The following PPM1B variants were observed in gnomAD, a reference collection of about 807,000 sequenced individuals.
The protein encoded by PPM1B is protein phosphatase 1B.
Under a neutral mutation model 43.0 loss-of-function variants are expected in PPM1B, and 22 were observed. That is an observed-to-expected ratio of 0.51 (90% confidence interval 0.37 to 0.73). The LOEUF is 0.73. Among genes scored for constraint, PPM1B ranks in the 30% least tolerant of loss-of-function variants. The probability of loss-of-function intolerance (pLI) is 0.00; values close to 1 mark genes in which losing one functional copy is unlikely to be tolerated. For synonymous variants in PPM1B, 217 were observed against 197.9 expected (o/e 1.10, Z -0.81); for missense variants, 632 against 584.2 (o/e 1.08, Z -0.84).
At chr2:44,186,228 C>G (rs1000427141) in intron 1 of PPM1B, among the ~76,000 whole-genome samples, 43 of 152,170 alleles carry the variant, frequency 2.8e-4, no homozygotes, top group Non-Finnish European at 2.5e-4. Context: ...AGCCATTAAT[C>G]TACACATTGT....
chr2:44,189,878 A>G (rs2104065498), intron 1 of PPM1B, among the ~76,000 whole-genome samples: 1 of 151,986 alleles, frequency 6.6e-6, no homozygotes, highest in Non-Finnish European at 1.5e-5. Context: ...TTAATTTTTC[A>G]TTGCTTCGTG....
At chr2:44,216,296 G>A (rs1455262868) in intron 3 of PPM1B, among the ~76,000 whole-genome samples, 1 of 152,140 alleles carries the variant, frequency 6.6e-6, no homozygotes, top group Non-Finnish European at 1.5e-5. Flanking sequence ...GGTGCCACTG[G>A]CATCTAGTGA....
intron 3 of PPM1B, 164 bp downstream of exon 3, chr2:44,209,491 A>C: frequency 1.2e-6 from 1 of 863,038 alleles, no homozygotes; most frequent in Non-Finnish European, 1.7e-6. Flanking sequence ...GATTATTTTA[A>C]AATTTCCTGG....
intron 1 of PPM1B, among the ~76,000 whole-genome samples, chr2:44,178,182 A>G (rs1179962216): frequency 1.3e-5 from 2 of 151,824 alleles, no homozygotes; most frequent in African/African-American, 4.8e-5. Context: ...GGCCTCCTAA[A>G]GTGTTGTGAT....
intron 1 of PPM1B, among the ~76,000 whole-genome samples, chr2:44,183,808 G>T (rs547369995): frequency 6.6e-6 from 1 of 151,962 alleles, no homozygotes; most frequent in African/African-American, 2.4e-5. Context: ...GCGCGATCTC[G>T]GCTCACTGCA....
At chr2:44,176,960 C>T (rs929619069) in intron 1 of PPM1B, among the ~76,000 whole-genome samples, 2 of 152,000 alleles carry the variant, frequency 1.3e-5, no homozygotes, top group East Asian at 1.9e-4. Flanking sequence ...TTGTATTTTT[C>T]GTAGAGACGG....
chr2:44,225,106 T>C (rs1359340419), intron 5 of PPM1B, among the ~76,000 whole-genome samples: 1 of 152,194 alleles, frequency 6.6e-6, no homozygotes. Context: ...TCATCACTTA[T>C]AAAAATGATA....
chr2:44,174,010 TGTA>T (rs143499995), intron 1 of PPM1B, among the ~76,000 whole-genome samples: 30 of 152,354 alleles, frequency 2.0e-4, no homozygotes, highest in African/African-American at 7.2e-4. Context: ...CTTAATCAAT[TGTA>T]GTATTTTAAT....
At position 44,201,458 on chromosome 2, in the gene PPM1B, G is replaced by C. The variant is rs769960775; in HGVS notation, c.259G>C (p.Ala87Pro). The change falls in exon 2 of 6, where the codon GCA (alanine) becomes CCA (proline). Residue 87 changes from alanine to proline, a missense_variant. Around this residue, in one of 3 missense-constraint regions of PPM1B, gnomAD observed 200 missense variants for 200.7 expected, o/e 1.00. Coordinates refer to ENST00000282412, the MANE Select transcript of PPM1B (RefSeq NM_002706.6). This position sits in a 1 kb window ranked among gnomAD's most constrained non-coding sequence, Gnocchi z 5.4. ...CATCACTACTAACGAAGACTTTAGG[G>C]CAGCTGGAAAATCAGGATCTGCTCT... Reference protein sequence around the residue: ...EHITTNEDFRAAGKSGSALEL... With the variant: ...EHITTNEDFRPAGKSGSALEL... 1 of 1,614,082 alleles carries C rather than the reference G, an allele frequency of 6.2e-7. No individual in the cohort carries two copies. Among genetic ancestry groups the C allele is most frequent in the African/African-American group, 1.3e-5 (1 of 74,928 alleles).
chr2:44,226,894 C>T (rs1324518005), intron 5 of PPM1B, among the ~76,000 whole-genome samples: 2 of 150,128 alleles, frequency 1.3e-5, no homozygotes, highest in African/African-American at 4.9e-5. Context: ...CATGTTGTTC[C>T]ATCTCAACCC....
intron 2 of PPM1B, among the ~76,000 whole-genome samples, chr2:44,205,393 GTTT>G (rs1669143533): frequency 6.6e-6 from 1 of 151,772 alleles, no homozygotes; most frequent in Non-Finnish European, 1.5e-5. Flanking sequence ...GTGTCTGTCT[GTTT>G]CGGTTTTCAT....
chr2:44,214,631 C>T (rs1669636243), intron 3 of PPM1B, among the ~76,000 whole-genome samples: 1 of 152,036 alleles, frequency 6.6e-6, no homozygotes, highest in Non-Finnish European at 1.5e-5. Flanking sequence ...TAAGAGGAAG[C>T]ATCAACATAA....
chr2:44,234,485 C>G, downstream of PPM1B: 3 of 919,932 alleles, frequency 3.3e-6, no homozygotes, highest in Non-Finnish European at 3.9e-6. Flanking sequence ...CGCCACTGCA[C>G]TCCAGCCTGG....
At chr2:44,208,507 G>A (rs529416220) in intron 2 of PPM1B, among the ~76,000 whole-genome samples, 16 of 152,078 alleles carry the variant, frequency 1.1e-4, no homozygotes, top group African/African-American at 3.9e-4. Flanking sequence ...GAGGTCAGAA[G>A]TTCAAGACCA....
chr2:44,235,342 G>A (rs888284583), downstream of PPM1B, among the ~76,000 whole-genome samples: 3 of 152,168 alleles, frequency 2.0e-5, no homozygotes, highest in Non-Finnish European at 2.9e-5. Context: ...AGTGATTCAT[G>A]CCTGTAATCC....
rs760841326 is a variant in PPM1B, at chr2:44,218,086, G to A, written c.1076+8G>A. On this transcript the variant is annotated splice_region_variant and intron_variant, in intron 4 of 5. Coordinates refer to ENST00000282412, the MANE Select transcript of PPM1B (RefSeq NM_002706.6). ...GGGAGGTCTTGCTGGCAAGTAAGTAGAACAAAAAGCTAATTTTGAGTTCGT... is the reference window on the plus strand; with the variant it reads ...GGGAGGTCTTGCTGGCAAGTAAGTAAAACAAAAAGCTAATTTTGAGTTCGT... The A allele has an allele frequency of 1.9e-6, 3 of 1,591,756 alleles. No individual in the cohort carries two copies. The highest frequency in any genetic ancestry group is 2.2e-5 in the East Asian group (1 of 44,572).
chr2:44,189,082 G>C (rs562712000), intron 1 of PPM1B, among the ~76,000 whole-genome samples: 1 of 152,080 alleles, frequency 6.6e-6, no homozygotes, highest in South Asian at 2.1e-4. Context: ...ATATTGCCCA[G>C]GCTGGTCTTG....
Position 44,201,271 on chromosome 2 carries a change from T to C in PPM1B, c.72T>C (p.Tyr24=), listed in dbSNP as rs772096522. The C allele has an allele frequency of 9.9e-6, 16 of 1,614,032 alleles. No individual in the cohort carries two copies. The East Asian group carries it at 2.4e-4, about 25-fold the overall frequency. ...ATGGTGCTGGGAATGGTTTACGTTA[T>C]GGCCTGAGCAGCATGCAAGGATGGA... ...NAHGAGNGLR[Y]GLSSMQGWRV... The change falls in exon 2 of 6, where the codon TAT becomes TAC. Residue 24 remains tyrosine, a synonymous_variant. Coordinates refer to ENST00000282412, the MANE Select transcript of PPM1B (RefSeq NM_002706.6). The surrounding 1 kb of genome is among the most constrained non-coding windows in gnomAD (Gnocchi z 5.4).
chr2:44,238,620 T>G (rs141697433), downstream of PPM1B, among the ~76,000 whole-genome samples: 35,663 of 151,744 alleles, frequency 0.24, 5,189 homozygotes, highest in African/African-American at 0.41. Flanking sequence ...GAAAATCTCT[T>G]GAACCTGGGA....
Sources: gnomAD v4.1 joint callset for allele counts (sites outside exome capture counted in the v4.1 genomes callset) on GRCh38, gnomAD v4.1.1 for gene constraint, gnomAD v4.1.1 regional missense constraint, Gnocchi (gnomAD v3.1) non-coding constraint, MANE v1.5 for transcripts, NCBI Gene and HGNC (gene_info 2026-07-23, HGNC 2026-07-21) for gene names.